Variants in ZNF805 observed in about 807,000 individuals in gnomAD.
ZNF805 encodes the protein zinc finger protein 805.
A neutral mutation model predicts 13.6 loss-of-function variants in ZNF805; 7 were observed. That is an observed-to-expected ratio of 0.51 (90% CI 0.29 to 0.97). ZNF805 has a LOEUF of 0.97. Among genes scored for constraint, ZNF805 ranks in the 50% least tolerant of loss-of-function variants. The probability of loss-of-function intolerance (pLI) is 0.08; values close to 1 mark genes in which losing one functional copy is unlikely to be tolerated. For missense variants in ZNF805, 604 were observed against 771.0 expected (o/e 0.78, Z 2.57); for synonymous variants, 293 against 279.8 (o/e 1.05, Z -0.47).
intron 1 of ZNF805, 148 bp from the exon 2 acceptor site, chr19:57,243,775 A>G (rs928575479): frequency 9.2e-7 from 1 of 1,087,720 alleles, no homozygotes; most frequent in Non-Finnish European, 1.3e-6. Context: ...TGTCCAAAGC[A>G]ATGTCTGCCT....
chr19:57,253,023 T>A lies in ZNF805; in HGVS notation c.254-50T>A. ...TTACTGAAGTGGTGAGTTTGTTTCT[T>A]CTCTTTTTACATTACTAACAAGCCC... On this transcript the variant is annotated intron_variant, in intron 3 of 3. Coordinates refer to ENST00000414468, the MANE Select transcript of ZNF805 (RefSeq NM_001023563.4). This position sits in a 1 kb window ranked among gnomAD's most constrained non-coding sequence, Gnocchi z 4.4. 1.5e-6 allele frequency: 2 copies of A among 1,347,702 alleles called. No homozygotes were observed. The highest frequency in any genetic ancestry group is 9.6e-7 in the Non-Finnish European group (1 of 1,042,212). 83.5% of individuals were successfully genotyped at this position (1,347,702 alleles called of 1,614,324 possible). A position where few individuals can be genotyped will look rare whatever the true frequency, so the allele number is the denominator to read the frequency against.
chr19:57,262,278 A>C lies in ZNF805; in HGVS notation c.*7575A>C, dbSNP rs938987401. 2.4e-4 allele frequency: 40 copies of C among 167,194 alleles called. No homozygotes were observed. Among genetic ancestry groups the C allele is most frequent in the African/African-American group, 8.9e-4 (37 of 41,576 alleles). The allele number at this position is 167,194 out of a possible 1,614,324, so 10.4% of individuals were successfully genotyped here. On this transcript the variant is annotated 3_prime_UTR_variant, in exon 4 of 4. Coordinates refer to ENST00000414468, the MANE Select transcript of ZNF805 (RefSeq NM_001023563.4). Reference sequence around the variant, plus strand: ...TTCTGTAACAAACATTAAGCAAATAAAATTTTCTATAACAGAAATAAGCCA... The same window carrying C: ...TTCTGTAACAAACATTAAGCAAATACAATTTTCTATAACAGAAATAAGCCA...
chr19:57,241,044 G>A, intron 1 of ZNF805, 123 bp downstream of exon 1: 1 of 1,089,380 alleles, frequency 9.2e-7, no homozygotes, highest in South Asian at 1.5e-5. Flanking sequence ...ACGAAACGTG[G>A]AGCAGGCTCG....
Position 57,253,159 on chromosome 19 carries a change from C to G in ZNF805, c.340C>G (p.Gln114Glu). ...AATCTCTTTTTGGGGACAACTAACA[C>G]AAGGAGCTTCAGGGGACTCCCAGTT... ...EGISFWGQLT[Q>E]GASGDSQLGQ... The change falls in exon 4 of 4, where the codon CAA (glutamine) becomes GAA (glutamate). Residue 114 changes from glutamine (Q) to glutamate (E), a missense_variant. Coordinates refer to ENST00000414468, the MANE Select transcript of ZNF805 (RefSeq NM_001023563.4). This position sits in a 1 kb window ranked among gnomAD's most constrained non-coding sequence, Gnocchi z 4.4. 1 of 1,550,536 alleles carries G rather than the reference C, an allele frequency of 6.4e-7. No homozygotes were observed. Among genetic ancestry groups the G allele is most frequent in the East Asian group, 2.4e-5 (1 of 42,186 alleles).
At chr19:57,245,515 C>G (rs1000399749) in intron 2 of ZNF805, among the ~76,000 whole-genome samples, 1 of 152,112 alleles carries the variant, frequency 6.6e-6, no homozygotes, top group African/African-American at 2.4e-5. Flanking sequence ...TGCGATAGCT[C>G]ATGCCTGTAA....
chr19:57,248,559 T>G, intron 2 of ZNF805, 46 bp from the exon 3 acceptor site: 1 of 1,483,132 alleles, frequency 6.7e-7, no homozygotes, highest in South Asian at 1.2e-5. Flanking sequence ...GGTCTTTATT[T>G]CTTTTCACCC....
At position 57,240,815 on chromosome 19, in the gene ZNF805, G is replaced by T; in HGVS notation, c.-77G>T. On this transcript the variant is annotated 5_prime_UTR_variant, in exon 1 of 4. Coordinates refer to ENST00000414468, the MANE Select transcript of ZNF805 (RefSeq NM_001023563.4). The stretch of plus-strand genomic sequence containing the variant: ...GTCACCGGGCCCGGCGCAGGGAAGG[G>T]GTGGGGCTCGGCTGAGCCCGCGAGA... 7.0e-7 allele frequency: 1 copy of T among 1,418,738 alleles called. No homozygotes were observed. The highest frequency in any genetic ancestry group is 2.6e-5 in the East Asian group (1 of 38,026). 87.9% of individuals were successfully genotyped at this position (1,418,738 alleles called of 1,614,324 possible). A position where few individuals can be genotyped will look rare whatever the true frequency, so the allele number is the denominator to read the frequency against.
Position 57,245,598 on chromosome 19 carries a change from T to G in ZNF805, c.157+1549T>G, listed in dbSNP as rs569830256. Among the ~76,000 whole-genome samples the G allele has an allele frequency of 8.8e-5, 13 of 148,468 alleles. No individual in the cohort carries two copies. The East Asian group carries it at 2.4e-3, about 28-fold the overall frequency. ...ATAGAGACCATCCTGGCTAACACGG[T>G]GCAACCCTGTCTCTACTAAAAATAC... On this transcript the variant is annotated intron_variant, in intron 2 of 3. Coordinates refer to ENST00000414468, the MANE Select transcript of ZNF805 (RefSeq NM_001023563.4).
rs551692954 is a variant in ZNF805, at chr19:57,245,737, C to A, written c.157+1688C>A. 2.6e-5 allele frequency among the ~76,000 whole-genome samples: 4 copies of A among 151,794 alleles called. No individual in the cohort carries two copies. In the East Asian group the frequency reaches 7.8e-4, roughly 30 times the overall value. ...GAGCTTGCAGTGAGCTGAGATTGCA[C>A]CACTGCACTCCAGCCTGGGCGACAG... is the stretch of plus-strand genomic sequence containing the variant. On this transcript the variant is annotated intron_variant, in intron 2 of 3. Coordinates refer to ENST00000414468, the MANE Select transcript of ZNF805 (RefSeq NM_001023563.4).
At position 57,254,698 on chromosome 19, in the gene ZNF805, C is replaced by G. The variant is rs754403034; in HGVS notation, c.1879C>G (p.Leu627Val). The G allele has an allele frequency of 1.2e-6, 2 of 1,604,276 alleles. No individual in the cohort carries two copies. Among genetic ancestry groups the G allele is most frequent in the Admixed American group, 3.4e-5 (2 of 58,322 alleles). The stretch of plus-strand genomic sequence containing the variant: ...AAGAGAAACCCCACAAGTGTCTTCA[C>G]TGTGAGAAAACCTTCTGTTGCCAAA... ...YQRETPQVSSL is the reference protein window; with the variant it reads ...YQRETPQVSSV The change falls in exon 4 of 4, where the codon CTG becomes GTG. Residue 627 changes from leucine to valine, a missense_variant. Leu to Val is a conservative substitution (Grantham distance 32). Transcript: ENST00000414468.
Position 57,240,821 on chromosome 19 carries a change from G to A in ZNF805, c.-71G>A. 7 of 1,472,214 alleles carry A rather than the reference G, an allele frequency of 4.8e-6. No individual in the cohort carries two copies. In the South Asian group the frequency reaches 5.0e-5, roughly 11 times the overall value. 91.2% of individuals were successfully genotyped at this position (1,472,214 alleles called of 1,614,324 possible). A position where few individuals can be genotyped will look rare whatever the true frequency, so the allele number is the denominator to read the frequency against. On this transcript the variant is annotated 5_prime_UTR_variant, in exon 1 of 4. Coordinates refer to ENST00000414468, the MANE Select transcript of ZNF805 (RefSeq NM_001023563.4). ...GGGCCCGGCGCAGGGAAGGGGTGGG[G>A]CTCGGCTGAGCCCGCGAGACCCGCC...
chr19:57,243,579 A>G (rs934251579), intron 1 of ZNF805, among the ~76,000 whole-genome samples: 13 of 152,208 alleles, frequency 8.5e-5, no homozygotes, highest in Non-Finnish European at 1.5e-4. Flanking sequence ...GAGCTGGACC[A>G]GTGAGGCTCA....
At chr19:57,250,178 C>T (rs937060747) in intron 3 of ZNF805, among the ~76,000 whole-genome samples, 51 of 152,304 alleles carry the variant, frequency 3.3e-4, no homozygotes, top group African/African-American at 1.0e-3. Flanking sequence ...TTCGATTTCA[C>T]GTCATGCATG....
Position 57,256,033 on chromosome 19 carries a change from TATTA to T in ZNF805, c.*1333_*1336del, listed in dbSNP as rs2087685368. 6.6e-6 allele frequency among the ~76,000 whole-genome samples: 1 copy of T among 152,116 alleles called. No homozygotes were observed. The highest frequency in any genetic ancestry group is 2.4e-5 in the African/African-American group (1 of 41,446). ...AATTTGCTGGGATTTTTTTGGTTATTATTAATAAGTGTTGAATTTTGTCATATGC... is the reference window on the plus strand; with the variant it reads ...AATTTGCTGGGATTTTTTTGGTTATTATAAGTGTTGAATTTTGTCATATGC... On this transcript the variant is annotated 3_prime_UTR_variant, in exon 4 of 4. Coordinates refer to ENST00000414468, the MANE Select transcript of ZNF805 (RefSeq NM_001023563.4).
At chr19:57,246,206 C>T (rs1274296416) in intron 2 of ZNF805, among the ~76,000 whole-genome samples, 2 of 152,174 alleles carry the variant, frequency 1.3e-5, no homozygotes, top group African/African-American at 2.4e-5. Flanking sequence ...GACAGAGTCT[C>T]GCTGTTGCCT....
chr19:57,254,338 GGA>G lies in ZNF805; in HGVS notation c.1524_1525del (p.Lys509AlafsTer3). ...CACAAGGCACCAGCGGATTCATAGT[GGA>G]GAGAAGCCCTATGAATGCATCGAGT... ...GLTRHQRIHSGEKPYECIECG... is the reference protein window; with the variant it reads ...GLTRHQRIHSXEKPYECIECG... On this transcript the variant is annotated frameshift_variant, in exon 4 of 4. Coordinates refer to ENST00000414468, the MANE Select transcript of ZNF805 (RefSeq NM_001023563.4). LOFTEE classifies it low-confidence loss of function (END_TRUNC). The G allele has an allele frequency of 6.2e-7, 1 of 1,614,192 alleles. No individual in the cohort carries two copies. The highest frequency in any genetic ancestry group is 8.5e-7 in the Non-Finnish European group (1 of 1,180,044).
At position 57,261,146 on chromosome 19, in the gene ZNF805, G is replaced by GT. The variant is rs2087721440; in HGVS notation, c.*6448dup. On this transcript the variant is annotated 3_prime_UTR_variant, in exon 4 of 4. Transcript: ENST00000414468. ...GGTCTTTGTTTCCTGGTCATCACTT[G>GT]TTTTTACTAAAATGGGTCAAACTGT... 6.6e-6 allele frequency among the ~76,000 whole-genome samples: 1 copy of GT among 152,130 alleles called. No individual in the cohort carries two copies. Among genetic ancestry groups the GT allele is most frequent in the Admixed American group, 6.5e-5 (1 of 15,268 alleles).
rs745433601 is a variant in ZNF805 at position 57,244,079 on chromosome 19, G to T, written c.157+30G>T. The stretch of plus-strand genomic sequence containing the variant: ...GGCCTTCCCCCTCCACCATGCAGGG[G>T]ATCTGCCACCTCCTTCGTTCCACCC... On this transcript the variant is annotated intron_variant, in intron 2 of 3. Coordinates refer to ENST00000414468, the MANE Select transcript of ZNF805 (RefSeq NM_001023563.4). 2.0e-5 allele frequency: 32 copies of T among 1,604,488 alleles called. No individual in the cohort carries two copies. The South Asian group carries it at 3.2e-4, about 16-fold the overall frequency.
rs1177232080 is a variant in ZNF805, at chr19:57,240,915, G to A, written c.24G>A (p.Pro8=). The A allele has an allele frequency of 6.4e-7, 1 of 1,559,382 alleles. No homozygotes were observed. Among genetic ancestry groups the A allele is most frequent in the Non-Finnish European group, 8.7e-7 (1 of 1,151,958 alleles). The change falls in exon 1 of 4, where the codon CCG becomes CCA. Residue 8 remains proline (P), a synonymous_variant. Coordinates refer to ENST00000414468, the MANE Select transcript of ZNF805 (RefSeq NM_001023563.4). The part of the protein sequence containing the change: MAMALTD[P]AQVSVTFDDV... ...GTATGGCGATGGCTTTGACGGACCCGGCGCAGGTGAGTGGACAAGGTTTCG... is the reference window on the plus strand; with the variant it reads ...GTATGGCGATGGCTTTGACGGACCCAGCGCAGGTGAGTGGACAAGGTTTCG...
Sources: allele counts gnomAD v4.1 joint callset (sites outside exome capture counted in the v4.1 genomes callset), GRCh38; gene constraint gnomAD v4.1.1; non-coding constraint Gnocchi (gnomAD v3.1); transcripts MANE v1.5; gene names NCBI Gene and HGNC (gene_info 2026-07-23, HGNC 2026-07-21).